Variants in COL21A1 observed in about 807,000 individuals in gnomAD.
COL21A1 encodes collagen type XXI alpha 1 chain, also known as collagen alpha-1(XXI) chain.
A neutral mutation model predicts 137.9 loss-of-function variants in COL21A1; 149 were observed. That is an observed-to-expected ratio of 1.08 (90% CI 0.95 to 1.24). The LOEUF (loss-of-function observed/expected upper bound fraction) is 1.24. Ranked by LOEUF, COL21A1 falls within the 50% of genes most tolerant of loss-of-function variation. The pLI is 0.00. For synonymous variants in COL21A1, 456 were observed against 391.5 expected (o/e 1.16, Z -1.95); for missense variants, 1,167 against 1,158.4 (o/e 1.01, Z -0.11).
At chr6:56,313,245 G>T (rs1041506935) in intron 1 of COL21A1, among the ~76,000 whole-genome samples, 1 of 151,822 alleles carries the variant, frequency 6.6e-6, no homozygotes, top group African/African-American at 2.4e-5. Context: ...ATTTGTGAGG[G>T]TTACCCAAAA....
chr6:56,126,797 G>A (rs778255314), intron 12 of COL21A1, among the ~76,000 whole-genome samples: 2 of 152,070 alleles, frequency 1.3e-5, no homozygotes, highest in Non-Finnish European at 2.9e-5. Flanking sequence ...AGTAAATAAA[G>A]AACCAATGAC....
intron 1 of COL21A1, among the ~76,000 whole-genome samples, chr6:56,287,535 C>G (rs781504756): frequency 3.3e-5 from 5 of 152,040 alleles, no homozygotes; most frequent in Admixed American, 1.3e-4. Flanking sequence ...TTCTCTCTTT[C>G]TCTCCTGATT....
chr6:56,297,456 T>C (rs967246288), intron 1 of COL21A1, among the ~76,000 whole-genome samples: 3 of 152,152 alleles, frequency 2.0e-5, no homozygotes, highest in African/African-American at 7.2e-5. Flanking sequence ...GACAGGTCCC[T>C]TTATATGGGC....
At chr6:56,278,282 T>A (rs1763714266) in intron 1 of COL21A1, among the ~76,000 whole-genome samples, 2 of 152,232 alleles carry the variant, frequency 1.3e-5, no homozygotes, top group African/African-American at 4.8e-5. Flanking sequence ...AACTGTGAGA[T>A]AACTGCCTGG....
At position 56,281,547 on chromosome 6, in the gene COL21A1, C is replaced by A. The variant is rs528801853; in HGVS notation, c.-38-98891G>T. The stretch of plus-strand genomic sequence containing the variant: ...TTCCAGAATTTTATAATTTTACTTA[C>A]CTACAAAGTAAAATATCAAATTCTG... On this transcript the variant is annotated intron_variant, in intron 1 of 28. Coordinates refer to the COL21A1 transcript ENST00000370819. Among the ~76,000 whole-genome samples the A allele has an allele frequency of 1.1e-4, 17 of 152,242 alleles. No individual in the cohort carries two copies. In the South Asian group the frequency reaches 1.7e-3, roughly 15 times the overall value.
chr6:56,125,483 T>C, intron 14 of COL21A1, 84 bp downstream of exon 14: 1 of 902,574 alleles, frequency 1.1e-6, no homozygotes, highest in Non-Finnish European at 1.7e-6. Context: ...GTTCTAATGC[T>C]GGGTTAGAAC....
chr6:56,337,356 A>G (rs1474950865), intron 1 of COL21A1, among the ~76,000 whole-genome samples: 1 of 152,236 alleles, frequency 6.6e-6, no homozygotes, highest in East Asian at 1.9e-4. Flanking sequence ...CTGGAGAATG[A>G]AAGGATATAT....
chr6:56,178,070 AT>A (rs765635927), intron 3 of COL21A1, among the ~76,000 whole-genome samples: 8 of 152,288 alleles, frequency 5.3e-5, no homozygotes, highest in Non-Finnish European at 8.8e-5. Context: ...TTAAAATAGA[AT>A]GCATTTACCA....
At chr6:56,146,893 G>C (rs987314994) in intron 10 of COL21A1, among the ~76,000 whole-genome samples, 3 of 152,084 alleles carry the variant, frequency 2.0e-5, no homozygotes, top group East Asian at 3.8e-4. Flanking sequence ...TATAGGAAAG[G>C]TAAACAGTGG....
chr6:56,097,765 A>T (rs1769493855), intron 17 of COL21A1, among the ~76,000 whole-genome samples: 1 of 123,248 alleles, frequency 8.1e-6, no homozygotes, highest in Non-Finnish European at 1.7e-5. Context: ...ATATATATAT[A>T]AATATATATA....
chr6:56,330,106 A>G (rs376062344), intron 1 of COL21A1, among the ~76,000 whole-genome samples: 14 of 152,116 alleles, frequency 9.2e-5, no homozygotes, highest in African/African-American at 3.1e-4. Flanking sequence ...TGAAACACAC[A>G]TTGATTTTCT....
intron 19 of COL21A1, among the ~76,000 whole-genome samples, chr6:56,075,217 C>T (rs1416575873): frequency 6.6e-6 from 1 of 151,384 alleles, no homozygotes; most frequent in African/African-American, 2.4e-5. Context: ...AGCTAGAATA[C>T]ATGTTTTCTA....
intron 1 of COL21A1, among the ~76,000 whole-genome samples, chr6:56,369,709 C>A (rs1766186724): frequency 6.6e-6 from 1 of 151,994 alleles, no homozygotes; most frequent in African/African-American, 2.4e-5. Flanking sequence ...GAAATATGGG[C>A]AAAGGATGTA....
At chr6:56,345,921 G>A (rs1409736852) in intron 1 of COL21A1, among the ~76,000 whole-genome samples, 3 of 152,090 alleles carry the variant, frequency 2.0e-5, no homozygotes, top group Non-Finnish European at 4.4e-5. Flanking sequence ...AACCCTCGGT[G>A]GTTTTAAGCA....
chr6:56,295,780 C>T (rs56325870), intron 1 of COL21A1, among the ~76,000 whole-genome samples: 12,184 of 151,608 alleles, frequency 0.08, 540 homozygotes, highest in Middle Eastern at 0.14. Context: ...TTTTATTAAC[C>T]TTATATCCTG....
At chr6:56,065,641 G>A (rs1582225764) in intron 23 of COL21A1, among the ~76,000 whole-genome samples, 1 of 151,994 alleles carries the variant, frequency 6.6e-6, no homozygotes, top group East Asian at 1.9e-4. Flanking sequence ...AAGGATAGGA[G>A]GGTGTATCAG....
intron 1 of COL21A1, among the ~76,000 whole-genome samples, chr6:56,346,493 T>C (rs1485666535): frequency 6.6e-6 from 1 of 152,212 alleles, no homozygotes; most frequent in Admixed American, 6.5e-5. Context: ...ACTGAGAAAT[T>C]ATTTGGCTCT....
intron 5 of COL21A1, among the ~76,000 whole-genome samples, 168 bp downstream of exon 5, chr6:56,170,481 C>A (rs1582546637): frequency 6.6e-6 from 1 of 151,910 alleles, no homozygotes; most frequent in East Asian, 1.9e-4. Context: ...GATCAAGAAA[C>A]AATTTTCCTT....
chr6:56,346,871 A>T (rs1765608498), intron 1 of COL21A1, among the ~76,000 whole-genome samples: 2 of 152,162 alleles, frequency 1.3e-5, no homozygotes, highest in Non-Finnish European at 2.9e-5. Flanking sequence ...GCTGGTCTCC[A>T]GTGGGTGAGC....
Sources: gnomAD v4.1 joint callset for allele counts (sites outside exome capture counted in the v4.1 genomes callset) on GRCh38, gnomAD v4.1.1 for gene constraint, MANE v1.5 for transcripts, NCBI Gene and HGNC (gene_info 2026-07-23, HGNC 2026-07-21) for gene names.